ABCC1: variants seen among roughly 807,000 people sequenced by gnomAD.
ABCC1 encodes the protein ATP binding cassette subfamily C member 1 (ABCC1 blood group).
In ABCC1, 83 loss-of-function variants were observed where a neutral mutation model predicts 172.9. The ratio of observed to expected loss-of-function variants is 0.48; its 90% CI spans 0.40 to 0.58. The LOEUF (loss-of-function observed/expected upper bound fraction) is 0.58, where lower values mean the gene tolerates loss of function less well. Among genes scored for constraint, ABCC1 ranks in the 20% least tolerant of loss-of-function variants. The pLI is 0.00. For missense variants in ABCC1, 1,817 were observed against 2,002.7 expected, an observed-to-expected ratio of 0.91 and a Z score of 1.77; for synonymous variants, 937 against 825.2, an observed-to-expected ratio of 1.14 and a Z score of -2.32.
intron 17 of ABCC1, among the ~76,000 whole-genome samples, chr16:16,084,721 A>G (rs1258249218): frequency 6.7e-5 from 10 of 150,192 alleles, no homozygotes; most frequent in Admixed American, 6.0e-4. Flanking sequence ...CCTGAGTTCA[A>G]GTGATTCTCC....
rs34794353 is a variant in ABCC1 at position 16,111,606 on chromosome 16, C to A, written c.3079+24C>A. ...AGGTTGGTGCCGCTGTCTCCCACCC[C>A]GCCTGATTTGGGCCCCTGTTGTGGC... On this transcript the variant is annotated intron_variant, in intron 22 of 30. Coordinates refer to ENST00000399410, the MANE Select transcript of ABCC1 (RefSeq NM_004996.4). The A allele has an allele frequency of 2.1e-4, 343 of 1,596,434 alleles. 1 individual carries two copies. Among genetic ancestry groups the A allele is most frequent in the Middle Eastern group, 4.3e-4 (2 of 4,640 alleles).
intron 7 of ABCC1, among the ~76,000 whole-genome samples, chr16:16,043,264 A>G (rs1234807328): frequency 2.9e-4 from 27 of 91,738 alleles, no homozygotes; most frequent in African/African-American, 1.3e-3. Context: ...ATATATGCCT[A>G]TCCCTTTACC....
intron 26 of ABCC1, among the ~76,000 whole-genome samples, chr16:16,130,932 C>T (rs2045650227): frequency 1.3e-5 from 2 of 152,020 alleles, no homozygotes; most frequent in South Asian, 2.1e-4. Context: ...ACCAGCCTGG[C>T]CAACATGGTG....
chr16:16,036,478 T>G lies in ABCC1; in HGVS notation c.684T>G (p.Ile228Met). The stretch of plus-strand genomic sequence containing the variant: ...CCTTGTGTCTTGGCCCCAGGTTGAT[T>G]GTCCGGGGCTACCGCCAGCCCCTGG... ...RITFWWITGL[I>M]VRGYRQPLEG... is the part of the protein sequence containing the mutation. The change falls in exon 7 of 31, where the codon ATT becomes ATG. Residue 228 changes from isoleucine to methionine, a missense_variant. Around this residue, in one of 3 missense-constraint regions of ABCC1, gnomAD observed 398 missense variants for 384.2 expected, o/e 1.04. Transcript: ENST00000399410. The G allele has an allele frequency of 3.1e-6, 5 of 1,612,758 alleles. No homozygotes were observed. In the Admixed American group the frequency reaches 8.4e-5, roughly 27 times the overall value.
rs940089106 is a variant in ABCC1, at chr16:16,092,403, G to A, written c.2644+1815G>A. Among the ~76,000 whole-genome samples the A allele has an allele frequency of 6.6e-5, 10 of 152,122 alleles. No individual in the cohort carries two copies. The South Asian group carries it at 1.7e-3, about 25-fold the overall frequency. Reference sequence around the variant, plus strand: ...ACTCCCTATTTTCCCCAGCACCTCCGAAGCCCTAGGCAACCACTAATCTTT... The same window carrying A: ...ACTCCCTATTTTCCCCAGCACCTCCAAAGCCCTAGGCAACCACTAATCTTT... On this transcript the variant is annotated intron_variant, in intron 19 of 30. Coordinates refer to ENST00000399410, the MANE Select transcript of ABCC1 (RefSeq NM_004996.4).
At chr16:16,103,741 G>A (rs553681043) in intron 20 of ABCC1, among the ~76,000 whole-genome samples, 14 of 152,268 alleles carry the variant, frequency 9.2e-5, no homozygotes, top group African/African-American at 2.6e-4. Flanking sequence ...AAGACCATGC[G>A]GCATAGCACG....
At chr16:16,087,539 C>T (rs2051058918) in intron 18 of ABCC1, among the ~76,000 whole-genome samples, 1 of 152,160 alleles carries the variant, frequency 6.6e-6, no homozygotes, top group Non-Finnish European at 1.5e-5. Flanking sequence ...CTCACTGCAA[C>T]CTCCGCATCT....
At chr16:15,973,567 C>T (rs571709079) in intron 1 of ABCC1, among the ~76,000 whole-genome samples, 50 of 152,246 alleles carry the variant, frequency 3.3e-4, no homozygotes, top group African/African-American at 1.0e-3. Flanking sequence ...ATATGTCCAT[C>T]GTGATTGTGT....
chr16:16,014,860 C>T (rs547947432), intron 4 of ABCC1, among the ~76,000 whole-genome samples: 24 of 152,202 alleles, frequency 1.6e-4, no homozygotes, highest in Non-Finnish European at 3.4e-4. Context: ...CTGTGTTGCT[C>T]CAAGGGGCTC....
At chr16:15,989,515 C>T (rs8050836) in intron 1 of ABCC1, among the ~76,000 whole-genome samples, 16,651 of 152,162 alleles carry the variant, frequency 0.11, 1,003 homozygotes, top group Middle Eastern at 0.16. Flanking sequence ...GACCTAACCA[C>T]GGGCCTCTTG....
intron 3 of ABCC1, among the ~76,000 whole-genome samples, chr16:16,011,004 C>T (rs770701159): frequency 2.0e-5 from 3 of 152,038 alleles, no homozygotes; most frequent in Admixed American, 6.6e-5. Context: ...GAGGCTGAGG[C>T]GGGAGAATCA....
At position 16,014,583 on chromosome 16, in the gene ABCC1, T is replaced by G. The variant is rs749880189; in HGVS notation, c.444T>G (p.Cys148Trp). ...MLTFWLVALV[C>W]ALAILRSKIM... ...CTTTCTGGCTGGTAGCCCTAGTGTG[T>G]GCCCTAGCCATCCTGAGATCCAAAA... is the stretch of plus-strand genomic sequence containing the variant. Residue 148 changes from cysteine (C) to tryptophan (W), a missense_variant, in exon 4 of 31, where the codon TGT (cysteine) becomes TGG (tryptophan). Physicochemically the swap from Cys to Trp is radical, Grantham distance 215 (BLOSUM62 -2). Around this residue, in one of 3 missense-constraint regions of ABCC1, gnomAD observed 398 missense variants for 384.2 expected, o/e 1.04. Coordinates refer to ENST00000399410, the MANE Select transcript of ABCC1 (RefSeq NM_004996.4). 9.3e-6 allele frequency: 15 copies of G among 1,614,106 alleles called. No individual in the cohort carries two copies. Among genetic ancestry groups the G allele is most frequent in the Non-Finnish European group, 1.3e-5 (15 of 1,180,002 alleles).
intron 18 of ABCC1, 36 bp downstream of exon 18, chr16:16,087,027 G>C (rs755463914): frequency 6.2e-7 from 1 of 1,611,508 alleles, no homozygotes; most frequent in African/African-American, 1.3e-5. Context: ...GTGTTGGGCC[G>C]TCTCGCCCTT....
rs545084700 is a variant in ABCC1 at position 16,111,220 on chromosome 16, C to CT, written c.2872-152dup. ...GGCCCTCGACTTTGTTTACTGCTGA[C>CT]TTTGTTGAATAGCTAAAGGGGAGGG... On this transcript the variant is annotated intron_variant, in intron 21 of 30. Coordinates refer to ENST00000399410, the MANE Select transcript of ABCC1 (RefSeq NM_004996.4). 7.2e-5 allele frequency among the ~76,000 whole-genome samples: 11 copies of CT among 152,224 alleles called. No individual in the cohort carries two copies. The East Asian group carries it at 1.9e-3, about 27-fold the overall frequency.
Position 16,111,412 on chromosome 16 carries a change from TCGG to T in ABCC1, c.2910_2912del (p.Gly971del). 1 of 1,614,138 alleles carries T rather than the reference TCGG, an allele frequency of 6.2e-7. No homozygotes were observed. Among genetic ancestry groups the T allele is most frequent in the Non-Finnish European group, 8.5e-7 (1 of 1,180,038 alleles). On this transcript the variant is annotated inframe_deletion, in exon 22 of 31. Coordinates refer to ENST00000399410, the MANE Select transcript of ABCC1 (RefSeq NM_004996.4). ...GTGTACTGGGACTACATGAAGGCCA[TCGG>T]ACTCTTCATCTCCTTCCTCAGCATC... is the stretch of plus-strand genomic sequence containing the variant.
intron 1 of ABCC1, among the ~76,000 whole-genome samples, chr16:15,966,786 G>T (rs2046253531): frequency 6.6e-6 from 1 of 151,782 alleles, no homozygotes; most frequent in African/African-American, 2.4e-5. Flanking sequence ...GAGTGTCTTG[G>T]ATTATAGATG....
Position 15,975,550 on chromosome 16 carries a change from GTTTTTTTTGT to G in ABCC1, c.48+25765_48+25774del, listed in dbSNP as rs755161866. On this transcript the variant is annotated intron_variant, in intron 1 of 30. Transcript: ENST00000399410. ...TTTATGTTTTGTGGTGGTTTTTTTT[GTTTTTTTTGT>G]TTTTTTTTGTTTTGAGACTGAGTTT... 2.4e-3 allele frequency among the ~76,000 whole-genome samples: 211 copies of G among 87,668 alleles called. 3 individuals are homozygous for G. In the South Asian group the frequency reaches 0.033, roughly 14 times the overall value. 57.5% of individuals were successfully genotyped at this position (87,668 alleles called of 152,430 possible). A position where few individuals can be genotyped will look rare whatever the true frequency, so the allele number is the denominator to read the frequency against.
In ABCC1 at chr16:16,078,725, G is replaced by A. The variant is rs534624941; in HGVS notation, c.1989-627G>A. ...AGAGTCTCACGCTCTTGCCCAGATC[G>A]GAGTGCAGTGGCACGATCTCAGCTC... On this transcript the variant is annotated intron_variant, in intron 15 of 30. Transcript: ENST00000399410. Among the ~76,000 whole-genome samples the A allele has an allele frequency of 6.6e-5, 10 of 152,212 alleles. No individual in the cohort carries two copies. The South Asian group carries it at 1.2e-3, about 19-fold the overall frequency.
chr16:16,030,243 C>T (rs1484121440), intron 5 of ABCC1, among the ~76,000 whole-genome samples: 1 of 152,188 alleles, frequency 6.6e-6, no homozygotes. Flanking sequence ...ACATGTAAGG[C>T]TGGGCGCAGT....
Sources: gnomAD v4.1 joint callset for allele counts (sites outside exome capture counted in the v4.1 genomes callset) on GRCh38, gnomAD v4.1.1 for gene constraint, gnomAD v4.1.1 regional missense constraint, MANE v1.5 for transcripts, NCBI Gene and HGNC (gene_info 2026-07-23, HGNC 2026-07-21) for gene names.